The following BTC variants were observed in gnomAD, a reference collection of about 807,000 sequenced individuals.
The protein encoded by BTC is probetacellulin.
Under a neutral mutation model 18.1 loss-of-function variants are expected in BTC, and 13 were observed. The ratio of observed to expected loss-of-function variants is 0.72; its 90% confidence interval spans 0.47 to 1.14. The LOEUF is 1.14. Ranked by LOEUF, BTC falls within the 50% of genes most tolerant of loss-of-function variation. The pLI, the probability that BTC is intolerant of heterozygous loss-of-function variation, is 0.00. For missense variants in BTC, 247 were observed against 224.2 expected (o/e 1.10, Z -0.65); for synonymous variants, 83 against 79.4 (o/e 1.05, Z -0.24).
At chr4:74,775,341 C>T (rs1176041985) in intron 1 of BTC, among the ~76,000 whole-genome samples, 6 of 152,002 alleles carry the variant, frequency 3.9e-5, no homozygotes, top group South Asian at 2.1e-4. Flanking sequence ...TTTAAAGGAA[C>T]GTACATTATT....
intron 1 of BTC, among the ~76,000 whole-genome samples, chr4:74,794,003 C>T (rs1049114922): frequency 1.3e-5 from 2 of 152,076 alleles, no homozygotes; most frequent in African/African-American, 4.8e-5. Flanking sequence ...GCAGCACTGG[C>T]AGCGAGGACC....
chr4:74,745,065 C>T lies in BTC; in HGVS notation c.*1612G>A, dbSNP rs1577941758. The T allele has an allele frequency of 2.6e-5, 4 of 152,084 alleles. No homozygotes were observed. The South Asian group carries it at 8.3e-4, about 32-fold the overall frequency. The allele number at this position is 152,084 out of a possible 1,614,324, so 9.4% of individuals were successfully genotyped here. A position where few individuals can be genotyped will look rare whatever the true frequency, so the allele number is the denominator to read the frequency against. The stretch of plus-strand genomic sequence containing the variant: ...TATTTATTCCAAGCTCCTTTCGTAT[C>T]GAAGAAGACTACATAAGAGAAAGGG... On this transcript the variant is annotated 3_prime_UTR_variant, in exon 6 of 6. Coordinates refer to ENST00000395743, the MANE Select transcript of BTC (RefSeq NM_001729.4).
At chr4:74,770,229 AC>A (rs1223826013) in intron 1 of BTC, 73 bp from the exon 2 acceptor site, 1 of 1,101,610 alleles carries the variant, frequency 9.1e-7, no homozygotes, top group South Asian at 1.4e-5. Flanking sequence ...CAAAGTCATC[AC>A]CCATTTCACC....
At chr4:74,781,501 C>G (rs909444841) in intron 1 of BTC, among the ~76,000 whole-genome samples, 2 of 151,894 alleles carry the variant, frequency 1.3e-5, no homozygotes, top group African/African-American at 2.4e-5. Context: ...GTGGCCTCTT[C>G]TTTAGCCTCA....
At position 74,745,113 on chromosome 4, in the gene BTC, T is replaced by A. The variant is rs1724257646; in HGVS notation, c.*1564A>T. 6.6e-6 allele frequency: 1 copy of A among 152,202 alleles called. No individual in the cohort carries two copies. Among genetic ancestry groups the A allele is most frequent in the Non-Finnish European group, 1.5e-5 (1 of 68,036 alleles). 9.4% of individuals were successfully genotyped at this position (152,202 alleles called of 1,614,324 possible). On this transcript the variant is annotated 3_prime_UTR_variant, in exon 6 of 6. Coordinates refer to ENST00000395743, the MANE Select transcript of BTC (RefSeq NM_001729.4). Reference sequence around the variant, plus strand: ...GGGCATGAATGAGCTTAAATGAGACTTTTGAAAATAAGGCATATACAACAT... The same window carrying A: ...GGGCATGAATGAGCTTAAATGAGACATTTGAAAATAAGGCATATACAACAT...
At chr4:74,785,648 C>G (rs909954059) in intron 1 of BTC, among the ~76,000 whole-genome samples, 2 of 152,126 alleles carry the variant, frequency 1.3e-5, no homozygotes, top group African/African-American at 4.8e-5. Context: ...TATTTTGGAA[C>G]AATTTTATAT....
chr4:74,768,654 A>C (rs2109898316), intron 2 of BTC, among the ~76,000 whole-genome samples: 1 of 152,292 alleles, frequency 6.6e-6, no homozygotes, highest in South Asian at 2.1e-4. Flanking sequence ...AACATTAATA[A>C]ATTTGAAGAG....
chr4:74,788,553 T>G lies in BTC; in HGVS notation c.64+5709A>C, dbSNP rs532432301. 3.3e-5 allele frequency among the ~76,000 whole-genome samples: 5 copies of G among 152,380 alleles called. No individual in the cohort carries two copies. In the South Asian group the frequency reaches 1.0e-3, roughly 32 times the overall value. ...ACAATGGCCTACAATTAGACTTTTC[T>G]CATTAATGTTTAATACAGTTTTAGA... On this transcript the variant is annotated intron_variant, in intron 1 of 5. Transcript: ENST00000395743.
intron 5 of BTC, 33 bp downstream of exon 5, chr4:74,748,007 A>G: frequency 3.2e-6 from 4 of 1,268,028 alleles, no homozygotes; most frequent in African/African-American, 1.5e-5. Flanking sequence ...TGTCACCTGA[A>G]TAGTTTTCTA....
chr4:74,791,744 A>T (rs567227348), intron 1 of BTC, among the ~76,000 whole-genome samples: 1 of 152,326 alleles, frequency 6.6e-6, no homozygotes, highest in Non-Finnish European at 1.5e-5. Flanking sequence ...TTTGTAATAG[A>T]CATAAGCCAT....
At chr4:74,770,994 A>G (rs1191584367) in intron 1 of BTC, among the ~76,000 whole-genome samples, 1 of 151,664 alleles carries the variant, frequency 6.6e-6, no homozygotes, top group Non-Finnish European at 1.5e-5. Flanking sequence ...CTTTAAAATA[A>G]TCCAACATGA....
chr4:74,779,669 T>G (rs1231835783), intron 1 of BTC, among the ~76,000 whole-genome samples: 2 of 152,122 alleles, frequency 1.3e-5, no homozygotes, highest in African/African-American at 4.8e-5. Context: ...CTGGATCTAG[T>G]GATAACATGG....
At position 74,748,238 on chromosome 4, in the gene BTC, C is replaced by CT. The variant is rs1233778625; in HGVS notation, c.429-90dup. 8.4e-6 allele frequency: 7 copies of CT among 831,872 alleles called. No individual in the cohort carries two copies. In the South Asian group the frequency reaches 8.8e-5, roughly 10 times the overall value. 51.5% of individuals were successfully genotyped at this position (831,872 alleles called of 1,614,324 possible). ...ATCAAGAGATCCTATGATCAGGTTT[C>CT]TTTTTTTAAAAAAATATTTAGGGTT... is the stretch of plus-strand genomic sequence containing the variant. On this transcript the variant is annotated intron_variant, in intron 4 of 5. Transcript: ENST00000395743.
chr4:74,794,112 C>T (rs1317478407), intron 1 of BTC, 150 bp downstream of exon 1: 4 of 977,638 alleles, frequency 4.1e-6, no homozygotes, highest in African/African-American at 3.2e-5. Context: ...TAACCTCGCG[C>T]TCTCCCAGCC....
Position 74,770,138 on chromosome 4 carries a change from C to G in BTC, c.83G>C (p.Cys28Ser), listed in dbSNP as rs143899989. The G allele has an allele frequency of 1.9e-6, 3 of 1,612,678 alleles. No individual in the cohort carries two copies. The highest frequency in any genetic ancestry group is 2.5e-6 in the Non-Finnish European group (3 of 1,179,370). Residue 28 changes from cysteine to serine, a missense_variant, in exon 2 of 6, where the codon TGT becomes TCT. By Grantham distance (112) the Cys-to-Ser change is moderately radical. Coordinates refer to ENST00000395743, the MANE Select transcript of BTC (RefSeq NM_001729.4). ...ALALGLVILH[C>S]VVADGNSTRS... is the part of the protein sequence containing the mutation. ...GGTGGAATTCCCATCTGCCACCACA[C>G]AGTGAAGGATCACTAGACCTTCAAA...
chr4:74,774,173 A>T (rs1725119509), intron 1 of BTC, among the ~76,000 whole-genome samples: 1 of 152,230 alleles, frequency 6.6e-6, no homozygotes, highest in South Asian at 2.1e-4. Context: ...GGTCATAGTA[A>T]TGTCAATATT....
Position 74,775,105 on chromosome 4 carries a change from C to T in BTC, c.65-4949G>A, listed in dbSNP as rs187296199. On this transcript the variant is annotated intron_variant, in intron 1 of 5. Transcript: ENST00000395743. ...AACAGGTTGAGCATAGAGAGGAATT[C>T]AGTTTGGGTCACTGAGTTTGAGATG... Among the ~76,000 whole-genome samples, 340 of 152,188 alleles carry T rather than the reference C, an allele frequency of 2.2e-3. 10 individuals carry two copies. Among genetic ancestry groups the T allele is most frequent in the Non-Finnish European group, 7.5e-4 (51 of 68,020 alleles).
At chr4:74,791,520 C>T (rs184301692) in intron 1 of BTC, among the ~76,000 whole-genome samples, 7 of 152,168 alleles carry the variant, frequency 4.6e-5, no homozygotes, top group East Asian at 3.9e-4. Flanking sequence ...TAAAGAATAT[C>T]GATAACACAT....
At chr4:74,772,713 A>G (rs1328028517) in intron 1 of BTC, among the ~76,000 whole-genome samples, 1 of 151,818 alleles carries the variant, frequency 6.6e-6, no homozygotes, top group Non-Finnish European at 1.5e-5. Context: ...TGAGGATGGT[A>G]GTATCTCCTT....
Sources: gnomAD v4.1 joint callset for allele counts (sites outside exome capture counted in the v4.1 genomes callset) on GRCh38, gnomAD v4.1.1 for gene constraint, MANE v1.5 for transcripts, NCBI Gene and HGNC (gene_info 2026-07-23, HGNC 2026-07-21) for gene names.